Variants in COL22A1 observed in about 807,000 individuals in gnomAD.
COL22A1 encodes the protein collagen type XXII alpha 1 chain.
COL22A1 carries 221 observed loss-of-function variants against 248.9 expected under a neutral mutation model. The observed-to-expected ratio is 0.89, with a 90% CI of 0.80 to 0.99. The LOEUF is 0.99. Ranked by LOEUF, COL22A1 falls within the 50% of genes least tolerant of loss-of-function variation. The pLI is 0.00. For missense variants in COL22A1, 2,240 were observed against 2,179.0 expected, an observed-to-expected ratio of 1.03 and a Z score of -0.56; for synonymous variants, 891 against 793.4, an observed-to-expected ratio of 1.12 and a Z score of -2.07.
chr8:138,830,272 C>A (rs998285664), intron 5 of COL22A1, among the ~76,000 whole-genome samples: 4 of 152,138 alleles, frequency 2.6e-5, no homozygotes, highest in African/African-American at 9.7e-5. Context: ...AAGTGTAATA[C>A]CTGCCTTGCT....
At chr8:138,855,326 C>T (rs1473774055) in intron 3 of COL22A1, among the ~76,000 whole-genome samples, 1 of 152,200 alleles carries the variant, frequency 6.6e-6, no homozygotes, top group Non-Finnish European at 1.5e-5. Flanking sequence ...GGAAATAAGG[C>T]ACAGAGAGGT....
intron 50 of COL22A1, among the ~76,000 whole-genome samples, chr8:138,627,603 C>T (rs1320975494): frequency 6.6e-6 from 1 of 152,168 alleles, no homozygotes; most frequent in Non-Finnish European, 1.5e-5. Context: ...ATTCCATTGG[C>T]AGAGAGGCTG....
At chr8:138,661,477 C>A (rs939088891) in intron 43 of COL22A1, among the ~76,000 whole-genome samples, 4 of 152,200 alleles carry the variant, frequency 2.6e-5, no homozygotes, top group African/African-American at 9.7e-5. Context: ...ATGTGCCTGG[C>A]ACGCTGCTGG....
At chr8:138,756,495 T>C (rs1018456240) in intron 18 of COL22A1, among the ~76,000 whole-genome samples, 10 of 152,174 alleles carry the variant, frequency 6.6e-5, no homozygotes, top group Non-Finnish European at 8.8e-5. Flanking sequence ...TCTTTAGTAT[T>C]ATTTCTATGG....
At chr8:138,852,614 G>A (rs992534768) in intron 3 of COL22A1, among the ~76,000 whole-genome samples, 1 of 152,176 alleles carries the variant, frequency 6.6e-6, no homozygotes, top group Non-Finnish European at 1.5e-5. Flanking sequence ...AGCATCGGGA[G>A]TGAGTGAGAT....
At chr8:138,719,381 G>A (rs1334829416) in intron 27 of COL22A1, among the ~76,000 whole-genome samples, 1 of 152,100 alleles carries the variant, frequency 6.6e-6, no homozygotes, top group Non-Finnish European at 1.5e-5. Flanking sequence ...TGGCCATGGG[G>A]GGACTTATTG....
intron 30 of COL22A1, among the ~76,000 whole-genome samples, chr8:138,708,037 T>C (rs911938234): frequency 6.6e-6 from 1 of 152,130 alleles, no homozygotes; most frequent in African/African-American, 2.4e-5. Context: ...CCATTCACAA[T>C]TGCTTCAAAG....
At chr8:138,693,486 C>G (rs1827247396) in intron 35 of COL22A1, among the ~76,000 whole-genome samples, 160 bp downstream of exon 35, 2 of 152,208 alleles carry the variant, frequency 1.3e-5, no homozygotes, top group Admixed American at 1.3e-4. Context: ...GCCAGAACCT[C>G]TCTCCGTGCT....
At chr8:138,720,494 G>A (rs756617024) in intron 27 of COL22A1, among the ~76,000 whole-genome samples, 7 of 152,020 alleles carry the variant, frequency 4.6e-5, no homozygotes, top group South Asian at 2.1e-4. Context: ...TCTTGGTTCC[G>A]AGGAACCACT....
At chr8:138,661,728 T>C (rs992516478) in intron 43 of COL22A1, among the ~76,000 whole-genome samples, 9 of 149,798 alleles carry the variant, frequency 6.0e-5, no homozygotes, top group Non-Finnish European at 1.0e-4. Context: ...CGAGCAGAAC[T>C]GACTAGGGTA....
chr8:138,785,641 A>G (rs1248770503), intron 12 of COL22A1, among the ~76,000 whole-genome samples: 2 of 152,046 alleles, frequency 1.3e-5, no homozygotes, highest in African/African-American at 4.8e-5. Flanking sequence ...TCTTGATGGG[A>G]TGGGCTCCTT....
chr8:138,861,907 G>T (rs1174694044), intron 3 of COL22A1, among the ~76,000 whole-genome samples: 1 of 152,014 alleles, frequency 6.6e-6, no homozygotes, highest in Non-Finnish European at 1.5e-5. Flanking sequence ...GCTTAAAGTA[G>T]GCGGGGCGCA....
chr8:138,604,523 G>A (rs1447720981), intron 59 of COL22A1, among the ~76,000 whole-genome samples: 9 of 152,172 alleles, frequency 5.9e-5, no homozygotes, highest in Admixed American at 4.6e-4. Context: ...ATACCAAGAC[G>A]GTGCCCCTGC....
chr8:138,861,791 A>T (rs543670566), intron 3 of COL22A1, among the ~76,000 whole-genome samples: 1 of 152,332 alleles, frequency 6.6e-6, no homozygotes, highest in East Asian at 1.9e-4. Flanking sequence ...TCTTGGTCAA[A>T]CTGCTCCAAT....
At chr8:138,668,189 C>G (rs1055934025) in intron 41 of COL22A1, among the ~76,000 whole-genome samples, 7 of 151,930 alleles carry the variant, frequency 4.6e-5, no homozygotes, top group Non-Finnish European at 8.8e-5. Flanking sequence ...TTTTAAAATT[C>G]TTATCTTTTA....
chr8:138,904,564 C>G (rs946184381), intron 1 of COL22A1, among the ~76,000 whole-genome samples: 2 of 151,924 alleles, frequency 1.3e-5, no homozygotes, highest in African/African-American at 4.8e-5. Flanking sequence ...TGTAATAACC[C>G]CATTTTTATT....
chr8:138,899,157 C>G (rs931588665), intron 1 of COL22A1, among the ~76,000 whole-genome samples: 3 of 152,114 alleles, frequency 2.0e-5, no homozygotes, highest in African/African-American at 4.8e-5. Context: ...CCCCTTTCTC[C>G]TTTTTCTACC....
chr8:138,737,616 A>T, intron 22 of COL22A1, 39 bp from the exon 23 acceptor site: 1 of 1,413,756 alleles, frequency 7.1e-7, no homozygotes, highest in Non-Finnish European at 1.0e-6. Flanking sequence ...ACAAGCAGGC[A>T]ATTGTCAACC....
At chr8:138,667,740 G>A (rs536927123) in intron 41 of COL22A1, among the ~76,000 whole-genome samples, 5 of 152,094 alleles carry the variant, frequency 3.3e-5, no homozygotes, top group Middle Eastern at 3.4e-3. Flanking sequence ...CTAGAACAGC[G>A]CCAGTCTGCA....
Sources: gnomAD v4.1 joint callset for allele counts (sites outside exome capture counted in the v4.1 genomes callset) on GRCh38, gnomAD v4.1.1 for gene constraint, MANE v1.5 for transcripts, NCBI Gene and HGNC (gene_info 2026-07-23, HGNC 2026-07-21) for gene names.